CCL17: variants seen among roughly 807,000 people sequenced by gnomAD.
CCL17 encodes the protein C-C motif chemokine ligand 17.
Under a neutral mutation model 7.4 loss-of-function variants are expected in CCL17, and 8 were observed. The observed-to-expected ratio is 1.09, with a 90% CI of 0.64 to 1.96. The LOEUF is 1.96. Among genes scored for constraint, CCL17 ranks in the 30% most tolerant of loss-of-function variants. The pLI, the probability that CCL17 is intolerant of heterozygous loss-of-function variation, is 0.00. For synonymous variants in CCL17, 40 were observed against 46.1 expected (o/e 0.87, Z 0.54); for missense variants, 102 against 113.0 (o/e 0.90, Z 0.44).
intron 1 of CCL17, among the ~76,000 whole-genome samples, chr16:57,408,796 G>A (rs938970489): frequency 4.6e-5 from 7 of 151,666 alleles, no homozygotes; most frequent in Admixed American, 2.0e-4. Flanking sequence ...GGATGGTCTC[G>A]ATCTCCTGAC....
upstream of CCL17, among the ~76,000 whole-genome samples, chr16:57,403,670 T>TATATATA: frequency 9.7e-6 from 1 of 103,624 alleles, no homozygotes; most frequent in African/African-American, 3.7e-5. Context: ...ATATATATAT[T>TATATATA]TTTTGAGATA....
intron 2 of CCL17, among the ~76,000 whole-genome samples, chr16:57,414,798 G>A (rs1419138151): frequency 2.0e-5 from 3 of 151,926 alleles, no homozygotes; most frequent in South Asian, 2.1e-4. Flanking sequence ...AGACACACAC[G>A]TAGGCACTCA....
chr16:57,409,916 G>C (rs1902756950), intron 1 of CCL17, among the ~76,000 whole-genome samples: 1 of 152,184 alleles, frequency 6.6e-6, no homozygotes, highest in African/African-American at 2.4e-5. Context: ...GATGAATCCA[G>C]TTTCAGCTGT....
chr16:57,408,144 C>T (rs1902727001), intron 1 of CCL17, among the ~76,000 whole-genome samples: 1 of 151,958 alleles, frequency 6.6e-6, no homozygotes, highest in South Asian at 2.1e-4. Flanking sequence ...TCTACCCATC[C>T]ATCTATCTAT....
chr16:57,407,927 CTATT>C (rs1315300689), intron 1 of CCL17, among the ~76,000 whole-genome samples: 8 of 151,164 alleles, frequency 5.3e-5, no homozygotes, highest in Non-Finnish European at 1.0e-4. Context: ...ATCCATCTAT[CTATT>C]TATTCTCTCA....
At chr16:57,400,241 C>G (rs998766178), upstream of CCL17, among the ~76,000 whole-genome samples, 1 of 151,970 alleles carries the variant, frequency 6.6e-6, no homozygotes, top group Non-Finnish European at 1.5e-5. Context: ...CGCCTGTAAT[C>G]TCAGCTACTT....
chr16:57,410,687 C>T (rs1453488829), intron 1 of CCL17, among the ~76,000 whole-genome samples: 1 of 152,178 alleles, frequency 6.6e-6, no homozygotes, highest in Non-Finnish European at 1.5e-5. Context: ...CATCCCATAG[C>T]CTGGGAGAAC....
At position 57,415,167 on chromosome 16, in the gene CCL17, A is replaced by C. The variant is rs1443328139; in HGVS notation, c.157A>C (p.Thr53Pro). The change falls in exon 3 of 4, where the codon ACA (threonine) becomes CCA (proline). Residue 53 changes from threonine (T) to proline (P), a missense_variant. Coordinates refer to ENST00000219244, the MANE Select transcript of CCL17 (RefSeq NM_002987.3). This position sits in a 1 kb window ranked among gnomAD's most constrained non-coding sequence, Gnocchi z 4.5. ...PLRKLKTWYQTSEDCSRDAIV... is the reference protein window; with the variant it reads ...PLRKLKTWYQPSEDCSRDAIV... ...TAGAAAGCTGAAGACGTGGTACCAGACATCTGAGGACTGCTCCAGGGATGC... is the reference window on the plus strand; with the variant it reads ...TAGAAAGCTGAAGACGTGGTACCAGCCATCTGAGGACTGCTCCAGGGATGC... The C allele has an allele frequency of 1.2e-6, 2 of 1,612,902 alleles. No homozygotes were observed. The highest frequency in any genetic ancestry group is 1.7e-6 in the Non-Finnish European group (2 of 1,178,884).
intron 1 of CCL17, among the ~76,000 whole-genome samples, chr16:57,411,881 C>A (rs1301338474): frequency 1.3e-5 from 2 of 152,244 alleles, no homozygotes; most frequent in Non-Finnish European, 2.9e-5. Flanking sequence ...CCCTCCCTTT[C>A]TCTGGGATGT....
At chr16:57,403,411 A>AT (rs1471062017), upstream of CCL17, among the ~76,000 whole-genome samples, 2 of 21,782 alleles carry the variant, frequency 9.2e-5, no homozygotes, top group Non-Finnish European at 1.3e-4. Flanking sequence ...ATTATAATAT[A>AT]TATATTATAT....
intron 1 of CCL17, among the ~76,000 whole-genome samples, chr16:57,406,724 C>G (rs1396571561): frequency 6.6e-6 from 1 of 152,166 alleles, no homozygotes; most frequent in Non-Finnish European, 1.5e-5. Context: ...TTATAGACTT[C>G]ATCTCAGTTA....
At chr16:57,398,284 T>C in the CCL17 span, among the ~76,000 whole-genome samples, 2 of 152,268 alleles carry the variant, frequency 1.3e-5, no homozygotes, top group African/African-American at 4.8e-5. Flanking sequence ...CTTTAGCTAC[T>C]ACATCAATTT....
upstream of CCL17, among the ~76,000 whole-genome samples, chr16:57,403,798 A>T (rs34289322): frequency 6.9e-5 from 10 of 144,646 alleles, no homozygotes; most frequent in East Asian, 2.0e-4. Flanking sequence ...CTGGGACTAC[A>T]GGCACCTGCC....
chr16:57,413,809 C>T (rs1327929702), intron 1 of CCL17, 65 bp from the exon 2 acceptor site: 2 of 682,728 alleles, frequency 2.9e-6, no homozygotes, highest in African/African-American at 1.8e-5. Flanking sequence ...GAGGAGGTGA[C>T]AGAGGGGCGG....
At chr16:57,399,036 G>A in the CCL17 span, among the ~76,000 whole-genome samples, 4 of 152,248 alleles carry the variant, frequency 2.6e-5, 1 homozygote, top group Non-Finnish European at 5.9e-5. Context: ...GTCCAGAACA[G>A]TGAACAATTC....
chr16:57,414,644 G>A (rs1902838880), intron 2 of CCL17, among the ~76,000 whole-genome samples: 3 of 152,110 alleles, frequency 2.0e-5, no homozygotes, highest in East Asian at 1.9e-4. Context: ...CCATCCACCC[G>A]CCTTGGCCTC....
intron 1 of CCL17, among the ~76,000 whole-genome samples, chr16:57,409,483 G>A (rs1902751134): frequency 6.6e-6 from 1 of 152,216 alleles, no homozygotes; most frequent in Non-Finnish European, 1.5e-5. Flanking sequence ...GATTTCAAGA[G>A]GGGAGAGCCT....
upstream of CCL17, among the ~76,000 whole-genome samples, chr16:57,401,688 C>T (rs1473633317): frequency 6.6e-6 from 1 of 152,096 alleles, no homozygotes; most frequent in Non-Finnish European, 1.5e-5. Context: ...GGGAGGAAAG[C>T]GGGGCTCAGT....
intron 1 of CCL17, among the ~76,000 whole-genome samples, chr16:57,407,748 TCATC>T (rs373568401): frequency 7.9e-5 from 12 of 151,632 alleles, no homozygotes; most frequent in Admixed American, 2.6e-4. Context: ...CATCCATCCA[TCATC>T]CATCCATCCA....
Sources: allele counts gnomAD v4.1 joint callset (sites outside exome capture counted in the v4.1 genomes callset), GRCh38; gene constraint gnomAD v4.1.1; non-coding constraint Gnocchi (gnomAD v3.1); transcripts MANE v1.5; gene names NCBI Gene and HGNC (gene_info 2026-07-23, HGNC 2026-07-21).